The following KLF16 variants were observed in gnomAD, a reference collection of about 807,000 sequenced individuals.
The protein encoded by KLF16 is Krueppel-like factor 16.
A neutral mutation model predicts 6.1 loss-of-function variants in KLF16; 6 were observed. The ratio of observed to expected loss-of-function variants is 0.98; its 90% confidence interval spans 0.54 to 1.93. The LOEUF is 1.93. KLF16 is among the 30% of genes most tolerant of loss of function. The pLI, the probability that KLF16 is intolerant of heterozygous loss-of-function variation, is 0.01. For synonymous variants in KLF16, 211 were observed against 176.5 expected (o/e 1.20, Z -1.55); for missense variants, 355 against 363.8 (o/e 0.98, Z 0.20).
chr19:1,863,240 G>A lies in KLF16; in HGVS notation c.258C>T (p.Asp86=), dbSNP rs2012109359. The A allele has an allele frequency of 9.3e-7, 1 of 1,074,390 alleles. No homozygotes were observed. The highest frequency in any genetic ancestry group is 4.4e-5 in the South Asian group (1 of 22,838). 66.6% of individuals were successfully genotyped at this position (1,074,390 alleles called of 1,614,324 possible). A position where few individuals can be genotyped will look rare whatever the true frequency, so the allele number is the denominator to read the frequency against. Residue 86 remains aspartate (D), a synonymous_variant, in exon 1 of 2, where the codon GAC becomes GAT. Coordinates refer to ENST00000250916, the MANE Select transcript of KLF16 (RefSeq NM_031918.4). The part of the protein sequence containing the change: ...PHLLAASILA[D]LRGGPGAAPG... ...GGGCGGCTCCGGGTCCGCCGCGCAG[G>A]TCGGCCAGGATGCTGGCGGCCAGCA...
At chr19:1,867,492 T>G (rs1003576618), upstream of KLF16, among the ~76,000 whole-genome samples, 8 of 152,208 alleles carry the variant, frequency 5.3e-5, no homozygotes, top group African/African-American at 1.7e-4. Context: ...GGAGGATTGC[T>G]TGCGGCCCCG....
chr19:1,864,298 C>A (rs1031083537), upstream of KLF16, among the ~76,000 whole-genome samples: 11 of 152,246 alleles, frequency 7.2e-5, no homozygotes, highest in African/African-American at 2.6e-4. Flanking sequence ...CCCTCTTCTC[C>A]CGGCCTGGGG....
At chr19:1,854,872 G>C (rs1568731371) in intron 1 of KLF16, 112 bp from the exon 2 acceptor site, 16 of 1,158,860 alleles carry the variant, frequency 1.4e-5, no homozygotes, top group Non-Finnish European at 2.0e-5. Flanking sequence ...CCGTTTTAGA[G>C]GCTGAGCTCT....
Position 1,854,182 on chromosome 19 carries a change from C to T in KLF16, c.*277G>A. ...TGGTGGAGAGGAGAGGGGAGGACCT[C>T]CTAGCTGCCCTGGGGGGGCCCCGTT... On this transcript the variant is annotated 3_prime_UTR_variant, in exon 2 of 2. Coordinates refer to ENST00000250916, the MANE Select transcript of KLF16 (RefSeq NM_031918.4). 1 of 381,296 alleles carries T rather than the reference C, an allele frequency of 2.6e-6. No individual in the cohort carries two copies. Among genetic ancestry groups the T allele is most frequent in the South Asian group, 8.9e-5 (1 of 11,294 alleles). The allele number at this position is 381,296 out of a possible 1,614,324, so 23.6% of individuals were successfully genotyped here. A position where few individuals can be genotyped will look rare whatever the true frequency, so the allele number is the denominator to read the frequency against.
At chr19:1,856,640 C>G (rs2011955068) in intron 1 of KLF16, among the ~76,000 whole-genome samples, 1 of 152,218 alleles carries the variant, frequency 6.6e-6, no homozygotes, top group African/African-American at 2.4e-5. Flanking sequence ...CAGAGCAGCC[C>G]TGGAAGGGAC....
In KLF16 at chr19:1,854,709, C is replaced by T. The variant is rs2011912176; in HGVS notation, c.509G>A (p.Arg170His). ...DWQGCDKKFA[R>H]SDELARHHRT... ...GTGGTGGCGGGCCAGCTCGTCGGAGCGGGCGAACTTCTTGTCGCAGCCCTG... is the reference window on the plus strand; with the variant it reads ...GTGGTGGCGGGCCAGCTCGTCGGAGTGGGCGAACTTCTTGTCGCAGCCCTG... Residue 170 changes from arginine to histidine, a missense_variant, in exon 2 of 2, where the codon CGC becomes CAC. By Grantham distance (29) the Arg-to-His change is conservative. Transcript: ENST00000250916. The T allele has an allele frequency of 1.3e-6, 2 of 1,599,302 alleles. No homozygotes were observed. The highest frequency in any genetic ancestry group is 1.3e-5 in the African/African-American group (1 of 74,800).
intron 1 of KLF16, among the ~76,000 whole-genome samples, chr19:1,859,201 T>A (rs1307633049): frequency 6.6e-6 from 1 of 151,946 alleles, no homozygotes; most frequent in African/African-American, 2.4e-5. Context: ...TAGTTCTGCC[T>A]GGGGGTGGAG....
At chr19:1,863,006 G>A (rs1322659371) in intron 1 of KLF16, 35 bp downstream of exon 1, 5 of 1,236,056 alleles carry the variant, frequency 4.0e-6, no homozygotes, top group Admixed American at 6.4e-5. Flanking sequence ...TCAGGCGGCC[G>A]CCCCCGCAAG....
intron 1 of KLF16, among the ~76,000 whole-genome samples, chr19:1,862,517 G>T (rs1482343463): frequency 6.6e-6 from 1 of 151,760 alleles, no homozygotes; most frequent in Non-Finnish European, 1.5e-5. Flanking sequence ...AAAACGTGCC[G>T]GGCTCCCCCC....
At chr19:1,867,467 C>T (rs1403722606), upstream of KLF16, among the ~76,000 whole-genome samples, 2 of 152,228 alleles carry the variant, frequency 1.3e-5, no homozygotes, top group South Asian at 4.1e-4. Flanking sequence ...CCCAGCTCTT[C>T]GGGAGGCCGA....
At chr19:1,864,507 T>A (rs2012151583), upstream of KLF16, among the ~76,000 whole-genome samples, 1 of 144,472 alleles carries the variant, frequency 6.9e-6, no homozygotes, top group Non-Finnish European at 1.5e-5. Context: ...CGCGCCCCAC[T>A]GGGGGTGGGG....
chr19:1,855,311 G>A (rs1300786426), intron 1 of KLF16, among the ~76,000 whole-genome samples: 1 of 152,222 alleles, frequency 6.6e-6, no homozygotes, highest in Non-Finnish European at 1.5e-5. Context: ...TAACCCTCCT[G>A]GCCCCTCCAC....
At chr19:1,870,081 T>A in the KLF16 span, among the ~76,000 whole-genome samples, 1 of 151,772 alleles carries the variant, frequency 6.6e-6, no homozygotes, top group Non-Finnish European at 1.5e-5. Flanking sequence ...TACAGGCACG[T>A]GCCACCAAAC....
chr19:1,866,308 C>CA (rs903989085), upstream of KLF16, among the ~76,000 whole-genome samples: 239 of 141,452 alleles, frequency 1.7e-3, 1 homozygote, highest in African/African-American at 5.0e-3. Flanking sequence ...AACTCCATCT[C>CA]AAAAAAAAAA....
At chr19:1,860,812 G>C (rs1341769807) in intron 1 of KLF16, among the ~76,000 whole-genome samples, 2 of 152,208 alleles carry the variant, frequency 1.3e-5, no homozygotes. Context: ...CTGGGGGCTG[G>C]GGAGGCCCGG....
chr19:1,867,620 C>T (rs2012208353), upstream of KLF16, among the ~76,000 whole-genome samples: 1 of 152,148 alleles, frequency 6.6e-6, no homozygotes, highest in Non-Finnish European at 1.5e-5. Flanking sequence ...AATCTCAGCA[C>T]TTTGGGAGGC....
chr19:1,859,309 C>G (rs920826825), intron 1 of KLF16, among the ~76,000 whole-genome samples: 5 of 152,094 alleles, frequency 3.3e-5, no homozygotes, highest in Non-Finnish European at 5.9e-5. Flanking sequence ...GATCAGAAAC[C>G]TGGCAGGCAC....
chr19:1,873,262 C>T, the KLF16 span, among the ~76,000 whole-genome samples: 102,197 of 152,168 alleles, frequency 0.67, 34,491 homozygotes, highest in Middle Eastern at 0.73. Context: ...TGGGACCCCA[C>T]GAATGCCAGT....
Position 1,857,874 on chromosome 19 carries a change from G to A in KLF16, c.458-3114C>T, listed in dbSNP as rs1196767522. On this transcript the variant is annotated intron_variant, in intron 1 of 1. Coordinates refer to ENST00000250916, the MANE Select transcript of KLF16 (RefSeq NM_031918.4). The surrounding 1 kb of genome is among the most constrained non-coding windows in gnomAD (Gnocchi z 4.7). ...AGCTCCTGAAGGTGATCCTTGAGCA[G>A]GTTCTATAGAACCTATAGGCAGCTG... Among the ~76,000 whole-genome samples, 3 of 152,010 alleles carry A rather than the reference G, an allele frequency of 2.0e-5. No individual in the cohort carries two copies. The highest frequency in any genetic ancestry group is 2.9e-5 in the Non-Finnish European group (2 of 67,960).
Sources: allele counts gnomAD v4.1 joint callset (sites outside exome capture counted in the v4.1 genomes callset), GRCh38; gene constraint gnomAD v4.1.1; non-coding constraint Gnocchi (gnomAD v3.1); transcripts MANE v1.5; gene names NCBI Gene and HGNC (gene_info 2026-07-23, HGNC 2026-07-21).